The following TCEAL4 variants were observed in gnomAD, a reference collection of about 807,000 sequenced individuals.
TCEAL4 encodes the protein transcription elongation factor A like 4, also known as transcription elongation factor A protein-like 4.
TCEAL4 carries 1 observed loss-of-function variant against 1.3 expected under a neutral mutation model. The ratio of observed to expected loss-of-function variants is 0.79; its 90% CI spans 0.28 to 3.76. TCEAL4 has a LOEUF of 3.76. Among genes scored for constraint, TCEAL4 ranks in the 30% most tolerant of loss-of-function variants. TCEAL4 has a pLI of 0.18. For missense variants in TCEAL4, 129 were observed against 154.7 expected (o/e 0.83, Z 0.88); for synonymous variants, 54 against 50.7 (o/e 1.06, Z -0.28).
chrX:103,585,369 T>C, upstream of TCEAL4: 2 of 766,388 alleles, frequency 2.6e-6, no homozygotes, highest in African/African-American at 4.4e-5. Context: ...TTTCTTTGAT[T>C]AATTTCTTAA....
chrX:103,581,527 CA>C (rs2073507996), upstream of TCEAL4, among the ~76,000 whole-genome samples: 2 of 111,133 alleles, frequency 1.8e-5, no homozygotes, highest in African/African-American at 6.6e-5. Flanking sequence ...AGCAACACAT[CA>C]AAAAGCTTAT....
chrX:103,579,125 G>A (rs1487462104), intron 2 of TCEAL4, among the ~76,000 whole-genome samples: 1 of 112,463 alleles, frequency 8.9e-6, no homozygotes, highest in Non-Finnish European at 1.9e-5. Context: ...TGGCACAACT[G>A]TAGGTATGAG....
chrX:103,585,795 A>G, intron 1 of TCEAL4, 171 bp downstream of exon 1: 1 of 1,110,751 alleles, frequency 9.0e-7, no homozygotes, highest in Non-Finnish European at 1.2e-6. Flanking sequence ...GAGGGGGAGC[A>G]CGTAGGCAGT....
Position 103,585,635 on chromosome X carries a change from G to A in TCEAL4, c.-101+11G>A, listed in dbSNP as rs1423138830. 2.6e-6 allele frequency: 3 copies of A among 1,165,989 alleles called. No homozygotes were observed. The highest frequency in any genetic ancestry group is 2.3e-4 in the Middle Eastern group (1 of 4,293). Reference sequence around the variant, plus strand: ...TCCAGCTTCTTCCAGGTCAGTGTGCGGGCCTTCCACGCTGCCAGCGGAACA... The same window carrying A: ...TCCAGCTTCTTCCAGGTCAGTGTGCAGGCCTTCCACGCTGCCAGCGGAACA... On this transcript the variant is annotated intron_variant, in intron 1 of 2. Coordinates refer to ENST00000472484, the MANE Select transcript of TCEAL4 (RefSeq NM_001006935.3).
intron 1 of TCEAL4, 69 bp downstream of exon 1, chrX:103,585,693 G>A (rs2073535432): frequency 8.6e-7 from 1 of 1,165,569 alleles, no homozygotes; most frequent in Admixed American, 2.6e-5. Flanking sequence ...GGTACGGCAG[G>A]GGGAAAGGCT....
At position 103,587,636 on chromosome X, in the gene TCEAL4, A is replaced by AT. The variant is rs1182194079; in HGVS notation, c.*319dup. ...GATTAACAGTGGTTATCTCTGGGTG[A>AT]TTTTTTCTGTTCTTTTTTGTTCATC... On this transcript the variant is annotated 3_prime_UTR_variant, in exon 3 of 3. Transcript: ENST00000472484. The AT allele has an allele frequency of 1.9e-5, 4 of 216,210 alleles. No homozygotes were observed. The highest frequency in any genetic ancestry group is 1.2e-4 in the African/African-American group (4 of 34,249). 17.8% of individuals were successfully genotyped at this position (216,210 alleles called of 1,213,427 possible). A position where few individuals can be genotyped will look rare whatever the true frequency, so the allele number is the denominator to read the frequency against.
chrX:103,582,040 A>C (rs1423166444), upstream of TCEAL4, among the ~76,000 whole-genome samples: 1 of 112,636 alleles, frequency 8.9e-6, no homozygotes, highest in African/African-American at 3.2e-5. Flanking sequence ...AAGCAACTTC[A>C]ACAAAGTCTC....
intron 1 of TCEAL4, chrX:103,576,549 A>G: frequency 3.1e-6 from 3 of 963,835 alleles, no homozygotes; most frequent in South Asian, 4.3e-5. Context: ...AGATCACCTG[A>G]GGTCAGGAGT....
chrX:103,586,614 C>G (rs1451524820), intron 2 of TCEAL4, 35 bp from the exon 3 acceptor site: 2 of 1,183,278 alleles, frequency 1.7e-6, no homozygotes, highest in East Asian at 5.9e-5. Context: ...CATGTCTCCT[C>G]TTTGTCTCCT....
chrX:103,580,004 C>T (rs143071663), intron 2 of TCEAL4, among the ~76,000 whole-genome samples: 4 of 111,762 alleles, frequency 3.6e-5, no homozygotes, highest in African/African-American at 1.3e-4. Flanking sequence ...AAATTGTAGC[C>T]TTATAAGTCA....
intron 1 of TCEAL4, among the ~76,000 whole-genome samples, chrX:103,576,748 A>G (rs1294675186): frequency 8.9e-6 from 1 of 112,257 alleles, no homozygotes; most frequent in African/African-American, 3.2e-5. Flanking sequence ...TGGGTGACAG[A>G]GCGAGACTGT....
intron 2 of TCEAL4, 97 bp downstream of exon 2, chrX:103,586,388 C>G: frequency 4.8e-6 from 5 of 1,032,422 alleles, no homozygotes. Context: ...CCCATTCCCC[C>G]ACCCACATGA....
At chrX:103,577,181 A>G (rs1426144295) in exon 2 of TCEAL4, 7 of 1,167,114 alleles carry the variant, frequency 6.0e-6, no homozygotes, top group Non-Finnish European at 1.1e-6. Context: ...GGAGCGGGAC[A>G]TAACAACTTC....
At chrX:103,582,607 C>T (rs1186732310), upstream of TCEAL4, among the ~76,000 whole-genome samples, 5 of 111,271 alleles carry the variant, frequency 4.5e-5, no homozygotes, top group Non-Finnish European at 9.4e-5. Flanking sequence ...AGACCACACA[C>T]CTAGAACTAT....
intron 2 of TCEAL4, among the ~76,000 whole-genome samples, chrX:103,577,483 T>C (rs1341028561): frequency 8.9e-6 from 1 of 111,922 alleles, no homozygotes; most frequent in Non-Finnish European, 1.9e-5. Flanking sequence ...ATACAAATTG[T>C]ATATGAAATA....
At chrX:103,585,708 G>C in intron 1 of TCEAL4, 84 bp downstream of exon 1, 1 of 1,161,906 alleles carries the variant, frequency 8.6e-7, no homozygotes, top group Non-Finnish European at 1.1e-6. Flanking sequence ...AAGGCTGGGG[G>C]TGGGGTCGGG....
chrX:103,586,576 T>G lies in TCEAL4; in HGVS notation c.-27-73T>G, dbSNP rs2073551080. The G allele has an allele frequency of 6.2e-6, 7 of 1,120,309 alleles. No individual in the cohort carries two copies. In the South Asian group the frequency reaches 8.5e-5, roughly 14 times the overall value. 92.3% of individuals were successfully genotyped at this position (1,120,309 alleles called of 1,213,427 possible). On this transcript the variant is annotated intron_variant, in intron 2 of 2. Coordinates refer to ENST00000472484, the MANE Select transcript of TCEAL4 (RefSeq NM_001006935.3). ...GTGAGATGCAAGTACTATCCAGACC[T>G]GCATTCCACCCCATGCACTCAGTCT...
intron 2 of TCEAL4, among the ~76,000 whole-genome samples, chrX:103,578,335 T>C (rs1424983195): frequency 8.9e-6 from 1 of 112,244 alleles, no homozygotes; most frequent in Non-Finnish European, 1.9e-5. Context: ...AGGCATATTG[T>C]TTCATTTGCC....
chrX:103,581,625 G>T (rs1017845256), upstream of TCEAL4, among the ~76,000 whole-genome samples: 2 of 111,225 alleles, frequency 1.8e-5, no homozygotes, highest in Non-Finnish European at 3.8e-5. Flanking sequence ...CATATAAACA[G>T]CACTAAAGAC....
Sources: gnomAD v4.1 joint callset for allele counts (sites outside exome capture counted in the v4.1 genomes callset) on GRCh38, gnomAD v4.1.1 for gene constraint, MANE v1.5 for transcripts, NCBI Gene and HGNC (gene_info 2026-07-23, HGNC 2026-07-21) for gene names.